DPH6: variants seen among roughly 807,000 people sequenced by gnomAD.
The protein encoded by DPH6 is diphthine--ammonia ligase.
A neutral mutation model predicts 38.2 loss-of-function variants in DPH6; 33 were observed. The ratio of observed to expected loss-of-function variants is 0.86; its 90% CI spans 0.65 to 1.15. The LOEUF (loss-of-function observed/expected upper bound fraction) is 1.15, where lower values mean the gene tolerates loss of function less well. Ranked by LOEUF, DPH6 falls within the 50% of genes most tolerant of loss-of-function variation. DPH6 has a pLI of 0.00. For missense variants in DPH6, 325 were observed against 320.0 expected (o/e 1.02, Z -0.12); for synonymous variants, 108 against 103.0 (o/e 1.05, Z -0.30).
chr15:35,268,808 A>G (rs1490329695), intron 3 of DPH6, among the ~76,000 whole-genome samples: 1 of 152,030 alleles, frequency 6.6e-6, no homozygotes, highest in Non-Finnish European at 1.5e-5. Flanking sequence ...AGAATTAACT[A>G]CTGTGAGGGC....
chr15:35,454,856 A>G, intron 3 of DPH6, 36 bp from the exon 4 acceptor site: 2 of 1,503,992 alleles, frequency 1.3e-6, no homozygotes, highest in Middle Eastern at 1.7e-4. Context: ...CTTTAAAAAT[A>G]AAGTAACAAA....
intron 5 of DPH6, among the ~76,000 whole-genome samples, chr15:35,438,456 G>A (rs1054235165): frequency 6.6e-6 from 1 of 152,158 alleles, no homozygotes; most frequent in African/African-American, 2.4e-5. Context: ...AGGAATTAGA[G>A]GCGGATGAAT....
chr15:35,494,691 T>C (rs932773009), intron 3 of DPH6, among the ~76,000 whole-genome samples: 1 of 152,060 alleles, frequency 6.6e-6, no homozygotes, highest in African/African-American at 2.4e-5. Context: ...TTTTCCACTA[T>C]TTACTATATC....
At chr15:35,230,464 A>T (rs568191982) in intron 3 of DPH6, among the ~76,000 whole-genome samples, 21 of 152,214 alleles carry the variant, frequency 1.4e-4, no homozygotes, top group Non-Finnish European at 2.6e-4. Context: ...ATGCCATCCA[A>T]AAGCGAAGTC....
intron 3 of DPH6, among the ~76,000 whole-genome samples, chr15:35,247,654 T>C (rs1224669204): frequency 6.6e-6 from 1 of 152,232 alleles, no homozygotes; most frequent in Non-Finnish European, 1.5e-5. Context: ...ACTATTTCTT[T>C]AGTTTGCAGT....
intron 3 of DPH6, among the ~76,000 whole-genome samples, chr15:35,531,069 G>A (rs548020004): frequency 2.6e-5 from 4 of 152,116 alleles, no homozygotes; most frequent in Non-Finnish European, 4.4e-5. Context: ...CTATGTCTGC[G>A]TCCTCCCTGA....
intron 1 of DPH6, among the ~76,000 whole-genome samples, chr15:35,544,101 T>G (rs1421064555): frequency 6.6e-6 from 1 of 152,190 alleles, no homozygotes; most frequent in East Asian, 1.9e-4. Flanking sequence ...AGAACTCCAT[T>G]AAGTACACAT....
chr15:35,203,384 A>T, the DPH6 span, among the ~76,000 whole-genome samples: 3 of 151,648 alleles, frequency 2.0e-5, no homozygotes, highest in African/African-American at 7.2e-5. Context: ...AAAAAAAAGA[A>T]ATTTATTTAT....
intron 3 of DPH6, among the ~76,000 whole-genome samples, chr15:35,492,416 G>C (rs2054495610): frequency 6.6e-6 from 1 of 152,156 alleles, no homozygotes; most frequent in African/African-American, 2.4e-5. Context: ...ATTCAGCCAT[G>C]AGAATATCTA....
In DPH6 at chr15:35,521,385, C is replaced by CGATA. The variant is rs2054921307; in HGVS notation, c.312+16888_312+16889insTATC. On this transcript the variant is annotated intron_variant, in intron 3 of 8. Coordinates refer to ENST00000256538, the MANE Select transcript of DPH6 (RefSeq NM_080650.4). ...CCAACTTTATATAAATAGACTATAT[C>CGATA]ATCTAAAGAATCTGTAAGATCCTCT... is the stretch of plus-strand genomic sequence containing the variant. 4 of 1,061,712 alleles carry CGATA rather than the reference C, an allele frequency of 3.8e-6. No homozygotes were observed. In the East Asian group the frequency reaches 2.5e-4, roughly 67 times the overall value. The allele number at this position is 1,061,712 out of a possible 1,614,324, so 65.8% of individuals were successfully genotyped here.
At chr15:35,214,692 C>T (rs1050354553), downstream of DPH6, among the ~76,000 whole-genome samples, 1 of 152,196 alleles carries the variant, frequency 6.6e-6, no homozygotes, top group Non-Finnish European at 1.5e-5. Context: ...ACTGCAACCT[C>T]CGCCTCACGG....
At chr15:35,160,666 T>C in the DPH6 span, among the ~76,000 whole-genome samples, 2 of 152,078 alleles carry the variant, frequency 1.3e-5, no homozygotes, top group South Asian at 4.1e-4. Flanking sequence ...TCATGTGTAC[T>C]CAATGTTTAG....
chr15:35,356,292 C>A (rs144700176), intron 3 of DPH6, among the ~76,000 whole-genome samples: 1 of 152,196 alleles, frequency 6.6e-6, no homozygotes, highest in Non-Finnish European at 1.5e-5. Flanking sequence ...TCGTCAAAGT[C>A]ATTCTCTGTC....
At position 35,304,284 on chromosome 15, in the gene DPH6, A is replaced by C. The variant is rs369260050; in HGVS notation, n.200+69237T>G. Among the ~76,000 whole-genome samples the C allele has an allele frequency of 7.9e-5, 12 of 152,250 alleles. 2 individuals carry two copies. The highest frequency in any genetic ancestry group is 1.3e-4 in the Admixed American group (2 of 15,290). ...ACTAGAACTCACTACTGCTGATTGT[A>C]AGCCCAAGTTCCTTTCCAATACATT... On this transcript the variant is annotated intron_variant and non_coding_transcript_variant, in intron 3 of 3. Transcript: ENST00000560386.
At chr15:35,170,657 T>C in the DPH6 span, among the ~76,000 whole-genome samples, 1 of 152,176 alleles carries the variant, frequency 6.6e-6, no homozygotes, top group Non-Finnish European at 1.5e-5. Flanking sequence ...TGGTTTGGAA[T>C]ATAATAAAGA....
the DPH6 span, among the ~76,000 whole-genome samples, chr15:35,185,573 G>A: frequency 6.6e-6 from 1 of 152,122 alleles, no homozygotes; most frequent in Admixed American, 6.5e-5. Context: ...TGTCTGGAAG[G>A]TAGAGTTGCA....
At chr15:35,524,112 T>C (rs1167088157) in intron 3 of DPH6, among the ~76,000 whole-genome samples, 2 of 151,814 alleles carry the variant, frequency 1.3e-5, no homozygotes, top group Non-Finnish European at 2.9e-5. Flanking sequence ...CCTTCAAAGA[T>C]AGAAACTTGT....
downstream of DPH6, among the ~76,000 whole-genome samples, chr15:35,216,166 T>C (rs982229678): frequency 6.6e-6 from 1 of 152,224 alleles, no homozygotes; most frequent in Non-Finnish European, 1.5e-5. Context: ...TTGTGGGCCT[T>C]TGGACAGGTT....
chr15:35,234,296 T>C (rs1368152449), intron 3 of DPH6, among the ~76,000 whole-genome samples: 1 of 152,252 alleles, frequency 6.6e-6, no homozygotes, highest in Non-Finnish European at 1.5e-5. Flanking sequence ...GTAAGGCCTC[T>C]TTTGTTTGTG....
Sources: allele counts gnomAD v4.1 joint callset (sites outside exome capture counted in the v4.1 genomes callset), GRCh38; gene constraint gnomAD v4.1.1; transcripts MANE v1.5; gene names NCBI Gene and HGNC (gene_info 2026-07-23, HGNC 2026-07-21).